Variants in LRRC47 observed in about 807,000 individuals in gnomAD.
The protein encoded by LRRC47 is leucine-rich repeat-containing protein 47.
A neutral mutation model predicts 40.9 loss-of-function variants in LRRC47; 31 were observed. The ratio of observed to expected loss-of-function variants is 0.76; its 90% CI spans 0.57 to 1.02. The LOEUF is 1.02. LRRC47 is among the 50% of genes least tolerant of loss of function. The pLI is 0.00. For missense variants in LRRC47, 726 were observed against 796.1 expected, an observed-to-expected ratio of 0.91 and a Z score of 1.06; for synonymous variants, 427 against 371.9, an observed-to-expected ratio of 1.15 and a Z score of -1.70.
At chr1:3,794,223 C>T (rs1231956258) in intron 1 of LRRC47, among the ~76,000 whole-genome samples, 6 of 152,148 alleles carry the variant, frequency 3.9e-5, no homozygotes, top group Admixed American at 3.9e-4. Flanking sequence ...CAGTAAAACT[C>T]CAGTCTCCAC....
In LRRC47 at chr1:3,781,340, C is replaced by G. The variant is rs1342494349; in HGVS notation, c.1504-4G>C. 9.9e-6 allele frequency: 16 copies of G among 1,610,812 alleles called. No homozygotes were observed. Among genetic ancestry groups the G allele is most frequent in the African/African-American group, 1.3e-5 (1 of 74,762 alleles). ...ACTTTTTCATTTCTGCCATTTTCTG[C>G]AAATAAAAAATACCTTTTTAACCTG... On this transcript the variant is annotated splice_region_variant and splice_polypyrimidine_tract_variant and intron_variant, in intron 6 of 6. Transcript: ENST00000378251.
At chr1:3,786,468 C>G (rs925181383) in intron 2 of LRRC47, among the ~76,000 whole-genome samples, 4 of 152,094 alleles carry the variant, frequency 2.6e-5, no homozygotes, top group Non-Finnish European at 5.9e-5. Flanking sequence ...CCACCGTACT[C>G]CAGCCTGGGA....
At position 3,783,746 on chromosome 1, in the gene LRRC47, C is replaced by T. The variant is rs928218338; in HGVS notation, c.1310+250G>A. 1.4e-5 allele frequency: 7 copies of T among 509,724 alleles called. No homozygotes were observed. The East Asian group carries it at 1.9e-4, about 14-fold the overall frequency. The allele number at this position is 509,724 out of a possible 1,614,324, so 31.6% of individuals were successfully genotyped here. A position where few individuals can be genotyped will look rare whatever the true frequency, so the allele number is the denominator to read the frequency against. The stretch of plus-strand genomic sequence containing the variant: ...GTCCTGTCCCATCCTGAGGGCCACC[C>T]GCCCCCTGTGGAATGGCCAATACCT... On this transcript the variant is annotated intron_variant, in intron 4 of 6. Coordinates refer to ENST00000378251, the MANE Select transcript of LRRC47 (RefSeq NM_020710.3).
At chr1:3,786,779 A>G (rs1047759771) in intron 2 of LRRC47, 70 bp downstream of exon 2, 41 of 1,414,288 alleles carry the variant, frequency 2.9e-5, no homozygotes, top group Non-Finnish European at 3.8e-5. Flanking sequence ...CGCTGGCCTC[A>G]GGATGTGTCC....
chr1:3,784,074 T>A lies in LRRC47; in HGVS notation c.1232A>T (p.Glu411Val), dbSNP rs775529048. Reference sequence around the variant, plus strand: ...CTCCAGCTGCAGCTGCCGCACCAGCTCCTTGGCCTTGGCTTCTTTCCGCCC... The same window carrying A: ...CTCCAGCTGCAGCTGCCGCACCAGCACCTTGGCCTTGGCTTCTTTCCGCCC... Reference protein sequence around the residue: ...PLGRKEAKAKELVRQLQLEAE... With the variant: ...PLGRKEAKAKVLVRQLQLEAE... Residue 411 changes from glutamate (E) to valine (V), a missense_variant, in exon 4 of 7, where the codon GAG becomes GTG. Glu to Val is a moderately radical substitution (Grantham distance 121, BLOSUM62 -2). Transcript: ENST00000378251. 1 of 1,613,244 alleles carries A rather than the reference T, an allele frequency of 6.2e-7. No homozygotes were observed. Among genetic ancestry groups the A allele is most frequent in the African/African-American group, 1.3e-5 (1 of 75,028 alleles).
At chr1:3,783,127 A>G (rs1034117021) in intron 4 of LRRC47, 10 of 191,892 alleles carry the variant, frequency 5.2e-5, no homozygotes, top group Admixed American at 2.7e-4. Context: ...AAAAAAAAAG[A>G]AAAAAGGCAC....
rs1309376609 is a variant in LRRC47, at chr1:3,779,197, C to CT, written c.*1890dup. On this transcript the variant is annotated 3_prime_UTR_variant, in exon 7 of 7. Coordinates refer to ENST00000378251, the MANE Select transcript of LRRC47 (RefSeq NM_020710.3). ...GTCTCAAGGCAGCCTGGCCCATGTC[C>CT]TGCAAGGCTCTGAAGAGCCACCCAG... The CT allele has an allele frequency of 1.3e-5, 2 of 152,266 alleles. No homozygotes were observed. Among genetic ancestry groups the CT allele is most frequent in the Non-Finnish European group, 2.9e-5 (2 of 68,060 alleles). The allele number at this position is 152,266 out of a possible 1,614,324, so 9.4% of individuals were successfully genotyped here.
intron 1 of LRRC47, among the ~76,000 whole-genome samples, chr1:3,790,688 G>A (rs1222278020): frequency 1.3e-5 from 2 of 152,250 alleles, no homozygotes; most frequent in East Asian, 3.9e-4. Context: ...CACGCAGGCA[G>A]AGCTACTGCT....
At chr1:3,788,190 G>T (rs1055484063) in intron 1 of LRRC47, among the ~76,000 whole-genome samples, 3 of 152,226 alleles carry the variant, frequency 2.0e-5, no homozygotes, top group African/African-American at 7.2e-5. Context: ...GGCAAAAGGG[G>T]CCCATCCGCC....
intron 1 of LRRC47, 48 bp downstream of exon 1, chr1:3,795,814 G>A (rs1039056844): frequency 2.0e-6 from 3 of 1,493,188 alleles, no homozygotes; most frequent in African/African-American, 2.9e-5. Context: ...CCTTCTCCAG[G>A]GCTACTCCAA....
At chr1:3,783,420 CAAA>C (rs56305825) in intron 4 of LRRC47, among the ~76,000 whole-genome samples, 1 of 116,142 alleles carries the variant, frequency 8.6e-6, no homozygotes, top group Non-Finnish European at 1.8e-5. Context: ...GACCCCATCT[CAAA>C]AAAAAAAAAA....
chr1:3,793,601 ATGCGACTT>A (rs1266096329), intron 1 of LRRC47, among the ~76,000 whole-genome samples: 9 of 152,210 alleles, frequency 5.9e-5, no homozygotes, highest in Non-Finnish European at 1.3e-4. Context: ...GTCACAAGAT[ATGCGACTT>A]CCCCAGTGAC....
Position 3,796,187 on chromosome 1 carries a change from G to A in LRRC47, c.290C>T (p.Pro97Leu), listed in dbSNP as rs1643674557. Reference sequence around the variant, plus strand: ...GTCGAGCACCCGAAGGGCAGGCAGCGGCCCGAGCTCGGGGCTCAGGCCGGG... The same window carrying A: ...GTCGAGCACCCGAAGGGCAGGCAGCAGCCCGAGCTCGGGGCTCAGGCCGGG... The part of the protein sequence containing the change: ...LGPGLSPELG[P>L]LPALRVLDLS... Residue 97 changes from proline to leucine, a missense_variant, in exon 1 of 7, where the codon CCG (proline) becomes CTG (leucine). By Grantham distance (98) the Pro-to-Leu change is moderately conservative. Transcript: ENST00000378251. 4 of 1,437,186 alleles carry A rather than the reference G, an allele frequency of 2.8e-6. No individual in the cohort carries two copies. Among genetic ancestry groups the A allele is most frequent in the Admixed American group, 5.6e-5 (2 of 35,622 alleles). The allele number at this position is 1,437,186 out of a possible 1,614,324, so 89.0% of individuals were successfully genotyped here. A position where few individuals can be genotyped will look rare whatever the true frequency, so the allele number is the denominator to read the frequency against.
At chr1:3,793,663 G>A (rs188147558) in intron 1 of LRRC47, among the ~76,000 whole-genome samples, 66 of 152,160 alleles carry the variant, frequency 4.3e-4, no homozygotes, top group African/African-American at 6.5e-4. Context: ...ACCTAAGACC[G>A]GCCTTCTGAG....
Position 3,795,941 on chromosome 1 carries a change from G to T in LRRC47, c.536C>A (p.Pro179His). 6.2e-7 allele frequency: 1 copy of T among 1,601,042 alleles called. No homozygotes were observed. The highest frequency in any genetic ancestry group is 8.5e-7 in the Non-Finnish European group (1 of 1,176,734). ...PAELFRPGAL[P>H]LLSELAAADN... ...AGCAGCCGCCAGTTCACTGAGCAGG[G>T]GCAGCGCGCCGGGGCGAAAGAGCTC... The change falls in exon 1 of 7, where the codon CCC (proline) becomes CAC (histidine). Residue 179 changes from proline (P) to histidine (H), a missense_variant. By Grantham distance (77) the Pro-to-His change is moderately conservative. Transcript: ENST00000378251.
chr1:3,792,586 G>A (rs921174730), intron 1 of LRRC47, among the ~76,000 whole-genome samples: 5 of 151,520 alleles, frequency 3.3e-5, no homozygotes, highest in South Asian at 4.2e-4. Context: ...TCGGCCTCCC[G>A]AGTAGCTGGG....
chr1:3,796,115 C>T lies in LRRC47; in HGVS notation c.362G>A (p.Gly121Asp). ...CGGAAGGCCCGGCGGCTCGGCGGGG[C>T]CCAGGCCTTGGCCCGGCGGCAGCGC... ...LEALPPGQGLGPAEPPGLPQL... is the reference protein window; with the variant it reads ...LEALPPGQGLDPAEPPGLPQL... Residue 121 changes from glycine (G) to aspartate (D), a missense_variant, in exon 1 of 7, where the codon GGC becomes GAC. Coordinates refer to ENST00000378251, the MANE Select transcript of LRRC47 (RefSeq NM_020710.3). The T allele has an allele frequency of 6.9e-7, 1 of 1,449,958 alleles. No individual in the cohort carries two copies. Among genetic ancestry groups the T allele is most frequent in the Non-Finnish European group, 9.0e-7 (1 of 1,110,032 alleles). 89.8% of individuals were successfully genotyped at this position (1,449,958 alleles called of 1,614,324 possible). A position where few individuals can be genotyped will look rare whatever the true frequency, so the allele number is the denominator to read the frequency against.
intron 1 of LRRC47, among the ~76,000 whole-genome samples, chr1:3,792,474 T>G (rs1643635460): frequency 6.6e-6 from 1 of 151,784 alleles, no homozygotes; most frequent in Admixed American, 6.6e-5. Flanking sequence ...CTTTTTTTTT[T>G]TTTTGAGACG....
rs377176465 is a variant in LRRC47 at position 3,779,729 on chromosome 1, C to A, written c.*1359G>T. ...TGCTTCCCAAGCAGAGGCGTCTGGT[C>A]CACTCCTGGGGCTCCACCTGCCTGT... On this transcript the variant is annotated 3_prime_UTR_variant, in exon 7 of 7. Transcript: ENST00000378251. 1 of 152,182 alleles carries A rather than the reference C, an allele frequency of 6.6e-6. No homozygotes were observed. Among genetic ancestry groups the A allele is most frequent in the Non-Finnish European group, 1.5e-5 (1 of 68,052 alleles). 9.4% of individuals were successfully genotyped at this position (152,182 alleles called of 1,614,324 possible).
Sources: allele counts gnomAD v4.1 joint callset (sites outside exome capture counted in the v4.1 genomes callset), GRCh38; gene constraint gnomAD v4.1.1; transcripts MANE v1.5; gene names NCBI Gene and HGNC (gene_info 2026-07-23, HGNC 2026-07-21).